The following SMIM20 variants were observed in gnomAD, a reference collection of about 807,000 sequenced individuals.
The protein encoded by SMIM20 is mitochondrial translation regulation assembly intermediate of cytochrome c oxidase protein of 7 kDa.
Under a neutral mutation model 8.7 loss-of-function variants are expected in SMIM20, and 3 were observed. The observed-to-expected ratio is 0.34, with a 90% confidence interval of 0.16 to 0.89. SMIM20 has a LOEUF of 0.89. SMIM20 is among the 40% of genes least tolerant of loss of function. The pLI is 0.49. For synonymous variants in SMIM20, 44 were observed against 33.6 expected, an observed-to-expected ratio of 1.31 and a Z score of -1.07; for missense variants, 85 against 84.8, an observed-to-expected ratio of 1.00 and a Z score of -0.01.
At chr4:25,920,658 T>C (rs1033273888) in intron 1 of SMIM20, among the ~76,000 whole-genome samples, 3 of 152,224 alleles carry the variant, frequency 2.0e-5, no homozygotes, top group African/African-American at 7.2e-5. Flanking sequence ...TACAGTAATG[T>C]CTTAGGCCTT....
chr4:25,922,630 C>T (rs1458907369), intron 1 of SMIM20, among the ~76,000 whole-genome samples: 1 of 152,208 alleles, frequency 6.6e-6, no homozygotes, highest in Non-Finnish European at 1.5e-5. Context: ...TCTCTCCTGA[C>T]CGTCCTTCAT....
In SMIM20 at chr4:25,914,302, G is replaced by C. The variant is rs757144598; in HGVS notation, c.-12G>C. On this transcript the variant is annotated 5_prime_UTR_variant, in exon 1 of 3. Coordinates refer to ENST00000506197, the MANE Select transcript of SMIM20 (RefSeq NM_001145432.3). ...GCGGTCGGCGGGTCAGGGCAGCCCG[G>C]GGCCTGACGCCATGTCCCGGAACCT... The C allele has an allele frequency of 6.5e-7, 1 of 1,549,028 alleles. No individual in the cohort carries two copies. The highest frequency in any genetic ancestry group is 8.7e-7 in the Non-Finnish European group (1 of 1,145,270).
chr4:25,915,981 A>G (rs1239677688), intron 1 of SMIM20, among the ~76,000 whole-genome samples: 3 of 151,802 alleles, frequency 2.0e-5, no homozygotes, highest in Non-Finnish European at 4.4e-5. Flanking sequence ...TTAAAATTCG[A>G]GTGGTGCCTT....
intron 1 of SMIM20, among the ~76,000 whole-genome samples, chr4:25,917,404 G>A (rs1211770708): frequency 6.6e-6 from 1 of 152,164 alleles, no homozygotes; most frequent in Non-Finnish European, 1.5e-5. Flanking sequence ...TTATTAAAAT[G>A]TTTACAAAAT....
Position 25,914,341 on chromosome 4 carries a change from A to T in SMIM20, c.28A>T (p.Ile10Phe). 6.4e-7 allele frequency: 1 copy of T among 1,550,560 alleles called. No homozygotes were observed. Among genetic ancestry groups the T allele is most frequent in the Non-Finnish European group, 8.7e-7 (1 of 1,146,308 alleles). Residue 10 changes from isoleucine (I) to phenylalanine (F), a missense_variant, in exon 1 of 3, where the codon ATT (isoleucine) becomes TTT (phenylalanine). Coordinates refer to ENST00000506197, the MANE Select transcript of SMIM20 (RefSeq NM_001145432.3). ...GTCCCGGAACCTGCGCACCGCGCTCATTTTCGGCGGCTTCATCTCCCTGAT... is the reference window on the plus strand; with the variant it reads ...GTCCCGGAACCTGCGCACCGCGCTCTTTTTCGGCGGCTTCATCTCCCTGAT... MSRNLRTAL[I>F]FGGFISLIGA...
chr4:25,928,679 T>G (rs1190974510), intron 2 of SMIM20, among the ~76,000 whole-genome samples: 1 of 152,230 alleles, frequency 6.6e-6, no homozygotes, highest in African/African-American at 2.4e-5. Context: ...GGCAGACTTA[T>G]TTACCAAGCA....
At chr4:25,914,468 C>T (rs1469446439) in intron 1 of SMIM20, 46 bp downstream of exon 1, 1 of 1,408,108 alleles carries the variant, frequency 7.1e-7, no homozygotes, top group East Asian at 2.7e-5. Flanking sequence ...CCCCAACACA[C>T]ACACCTCCCC....
At position 25,928,449 on chromosome 4, in the gene SMIM20, G is replaced by A. The variant is rs2309292; in HGVS notation, c.166+80G>A. On this transcript the variant is annotated intron_variant, in intron 2 of 2. Coordinates refer to ENST00000506197, the MANE Select transcript of SMIM20 (RefSeq NM_001145432.3). ...CGGGTTTGTGTGTGTTTGCCTTGGC[G>A]TGGAGAGTGGGAAAATGCCTTTTAG... 1.4e-5 allele frequency: 19 copies of A among 1,390,048 alleles called. No individual in the cohort carries two copies. The African/African-American group carries it at 1.9e-4, about 14-fold the overall frequency. The allele number at this position is 1,390,048 out of a possible 1,614,324, so 86.1% of individuals were successfully genotyped here.
intron 1 of SMIM20, among the ~76,000 whole-genome samples, chr4:25,915,299 C>T (rs1269419572): frequency 6.6e-6 from 1 of 152,116 alleles, no homozygotes; most frequent in African/African-American, 2.4e-5. Context: ...CACTTTGATA[C>T]ATCTGAAACC....
intron 2 of SMIM20, 35 bp downstream of exon 2, chr4:25,928,404 A>G (rs1220917214): frequency 6.5e-7 from 1 of 1,544,960 alleles, no homozygotes; most frequent in East Asian, 2.5e-5. Flanking sequence ...ACCAAATCTT[A>G]TTTGTACTAC....
chr4:25,928,083 T>A, intron 1 of SMIM20: 1 of 374,738 alleles, frequency 2.7e-6, no homozygotes, highest in Non-Finnish European at 4.7e-6. Flanking sequence ...GTTGGGGAGC[T>A]TTTCTTTTGA....
At position 25,914,236 on chromosome 4, in the gene SMIM20, C is replaced by A. The variant is rs2305670; in HGVS notation, c.-78C>A. The stretch of plus-strand genomic sequence containing the variant: ...CCTCTCCACCTCTTCCGAGCGGGGT[C>A]ACGGCCCGGCCGTCGGTAACCTGGT... On this transcript the variant is annotated 5_prime_UTR_variant, in exon 1 of 3. Transcript: ENST00000506197. 379,343 of 1,505,040 alleles carry A rather than the reference C, an allele frequency of 0.25. 49,262 individuals are homozygous for A. Among genetic ancestry groups the A allele is most frequent in the East Asian group, 0.32 (12,868 of 40,204 alleles). The allele number at this position is 1,505,040 out of a possible 1,614,324, so 93.2% of individuals were successfully genotyped here.
intron 1 of SMIM20, among the ~76,000 whole-genome samples, chr4:25,915,797 T>C (rs1719076050): frequency 7.0e-6 from 1 of 142,910 alleles, no homozygotes; most frequent in Non-Finnish European, 1.5e-5. Flanking sequence ...GGGGTGATTT[T>C]GCCCCGCAGG....
chr4:25,928,424 C>T (rs1411849742), intron 2 of SMIM20, 55 bp downstream of exon 2: 16 of 1,511,156 alleles, frequency 1.1e-5, no homozygotes, highest in South Asian at 3.8e-5. Flanking sequence ...CTGTGTTGTG[C>T]GGGTTTGTGT....
chr4:25,918,661 C>A (rs56030794), intron 1 of SMIM20, among the ~76,000 whole-genome samples: 30,356 of 151,656 alleles, frequency 0.2, 3,420 homozygotes, highest in East Asian at 0.34. Flanking sequence ...CAGGTGCCCA[C>A]CACCACGCCT....
In SMIM20 at chr4:25,918,714, T is replaced by C. The variant is rs369086143; in HGVS notation, c.109+4292T>C. On this transcript the variant is annotated intron_variant, in intron 1 of 2. Coordinates refer to ENST00000506197, the MANE Select transcript of SMIM20 (RefSeq NM_001145432.3). Reference sequence around the variant, plus strand: ...TTTTACTAGAGACGGGGTTTCACCATGTTGGCCAGGCTGGTCTCGAACTCT... The same window carrying C: ...TTTTACTAGAGACGGGGTTTCACCACGTTGGCCAGGCTGGTCTCGAACTCT... 1.8e-3 allele frequency among the ~76,000 whole-genome samples: 272 copies of C among 151,910 alleles called. 1 individual carries two copies. In the Middle Eastern group the frequency reaches 0.021, roughly 11 times the overall value.
At chr4:25,917,057 A>C (rs1577359847) in intron 1 of SMIM20, among the ~76,000 whole-genome samples, 1 of 152,068 alleles carries the variant, frequency 6.6e-6, no homozygotes, top group Non-Finnish European at 1.5e-5. Context: ...TCCCCATTTT[A>C]TATGTGGACA....
rs748326390 is a variant in SMIM20 at position 25,914,260 on chromosome 4, G to C, written c.-54G>C. ...TCACGGCCCGGCCGTCGGTAACCTG[G>C]TTTCCGAGAGTGCCGGGCGGTCGGC... On this transcript the variant is annotated 5_prime_UTR_variant, in exon 1 of 3. Coordinates refer to ENST00000506197, the MANE Select transcript of SMIM20 (RefSeq NM_001145432.3). 1.3e-4 allele frequency: 193 copies of C among 1,522,954 alleles called. No individual in the cohort carries two copies. Among genetic ancestry groups the C allele is most frequent in the Non-Finnish European group, 2.4e-5 (27 of 1,129,448 alleles). 94.3% of individuals were successfully genotyped at this position (1,522,954 alleles called of 1,614,324 possible).
intron 1 of SMIM20, among the ~76,000 whole-genome samples, chr4:25,917,941 T>G (rs1348964791): frequency 1.4e-5 from 2 of 144,466 alleles, no homozygotes; most frequent in African/African-American, 2.6e-5. Flanking sequence ...CAGTTTTTTT[T>G]TTTTGTTTTT....
Sources: allele counts gnomAD v4.1 joint callset (sites outside exome capture counted in the v4.1 genomes callset), GRCh38; gene constraint gnomAD v4.1.1; transcripts MANE v1.5; gene names NCBI Gene and HGNC (gene_info 2026-07-23, HGNC 2026-07-21).